The following FOXP2 variants were observed in gnomAD, a reference collection of about 807,000 sequenced individuals.
FOXP2 encodes the protein forkhead box P2, also known as forkhead box protein P2.
Under a neutral mutation model 115.8 loss-of-function variants are expected in FOXP2, and 12 were observed. The ratio of observed to expected loss-of-function variants is 0.10; its 90% CI spans 0.07 to 0.17. FOXP2 has a LOEUF of 0.17. Ranked by LOEUF, FOXP2 falls within the 10% of genes least tolerant of loss-of-function variation. The probability of loss-of-function intolerance (pLI) is 1.00; values close to 1 mark genes in which losing one functional copy is unlikely to be tolerated. For missense variants in FOXP2, 629 were observed against 843.5 expected, an observed-to-expected ratio of 0.75 and a Z score of 3.15; for synonymous variants, 328 against 297.7, an observed-to-expected ratio of 1.10 and a Z score of -1.05.
At chr7:114,482,302 A>G (rs1376838484) in intron 2 of FOXP2, among the ~76,000 whole-genome samples, 2 of 151,462 alleles carry the variant, frequency 1.3e-5, no homozygotes, top group East Asian at 3.9e-4. Context: ...AGGCTTGTAA[A>G]GACTGACGTT....
At chr7:114,412,368 A>T (rs1316825625), upstream of FOXP2, among the ~76,000 whole-genome samples, 1 of 152,196 alleles carries the variant, frequency 6.6e-6, no homozygotes, top group African/African-American at 2.4e-5. Flanking sequence ...ATTTTCTTTA[A>T]TAACCTGGAG....
In FOXP2 at chr7:114,196,499, AGAT is replaced by A. The variant is rs1324491445; in HGVS notation, c.-102+33413_-102+33415del. On this transcript the variant is annotated intron_variant, in intron 1 of 17. Coordinates refer to the FOXP2 transcript ENST00000634411. The stretch of plus-strand genomic sequence containing the variant: ...GAAAAATTTAAAACTTCCTTTTGTC[AGAT>A]GGGTTCACATCTTATAAATTTAGTT... 1.8e-4 allele frequency among the ~76,000 whole-genome samples: 28 copies of A among 152,348 alleles called. No homozygotes were observed. In the South Asian group the frequency reaches 2.7e-3, roughly 15 times the overall value.
At chr7:114,575,005 A>G (rs961723390) in intron 3 of FOXP2, among the ~76,000 whole-genome samples, 5 of 151,844 alleles carry the variant, frequency 3.3e-5, no homozygotes, top group Admixed American at 2.6e-4. Flanking sequence ...GCTGGGTTGG[A>G]AGAAATAAGA....
At chr7:114,413,489 A>G (rs142680854), upstream of FOXP2, among the ~76,000 whole-genome samples, 513 of 152,272 alleles carry the variant, frequency 3.4e-3, 4 homozygotes, top group African/African-American at 0.012. Context: ...AAAAAAACCA[A>G]TATAAACATA....
intron 3 of FOXP2, among the ~76,000 whole-genome samples, chr7:114,550,203 C>T (rs1002038977): frequency 6.7e-6 from 1 of 150,364 alleles, no homozygotes; most frequent in Non-Finnish European, 1.5e-5. Flanking sequence ...CTGCAAGCTC[C>T]GCCTCCTGGG....
intron 1 of FOXP2, among the ~76,000 whole-genome samples, chr7:114,267,901 A>C (rs768046680): frequency 6.6e-6 from 1 of 151,920 alleles, no homozygotes; most frequent in East Asian, 1.9e-4. Context: ...TATCTCCAGA[A>C]ATTTTTTTAT....
At chr7:114,293,862 A>C (rs918787736) in intron 2 of FOXP2, among the ~76,000 whole-genome samples, 1 of 152,110 alleles carries the variant, frequency 6.6e-6, no homozygotes, top group Admixed American at 6.5e-5. Flanking sequence ...TCTTCATAGG[A>C]GCGTGAGAAC....
intron 16 of FOXP2, among the ~76,000 whole-genome samples, chr7:114,684,949 A>C (rs978966643): frequency 6.6e-6 from 1 of 152,038 alleles, no homozygotes; most frequent in African/African-American, 2.4e-5. Flanking sequence ...GGCTAGTTCA[A>C]TGAACCATTT....
chr7:114,674,209 C>T (rs1807641516), intron 16 of FOXP2, among the ~76,000 whole-genome samples: 1 of 152,080 alleles, frequency 6.6e-6, no homozygotes, highest in Non-Finnish European at 1.5e-5. Flanking sequence ...GGGAGGATAA[C>T]ATTTTTATCC....
intron 2 of FOXP2, among the ~76,000 whole-genome samples, chr7:114,323,577 G>A (rs1305911626): frequency 1.3e-5 from 2 of 151,870 alleles, no homozygotes; most frequent in African/African-American, 4.8e-5. Context: ...CAAAAAATAC[G>A]ATATTGGAAA....
chr7:114,642,812 A>ATATATATATATATT (rs1308357594), intron 7 of FOXP2, among the ~76,000 whole-genome samples, 189 bp downstream of exon 7: 3 of 72,422 alleles, frequency 4.1e-5, no homozygotes, highest in Non-Finnish European at 6.9e-5. Context: ...ATATATATAT[A>ATATATATATATATT]TTTTTTTTTT....
intron 16 of FOXP2, among the ~76,000 whole-genome samples, chr7:114,679,444 C>T (rs1445328920): frequency 6.6e-6 from 1 of 152,150 alleles, no homozygotes; most frequent in Non-Finnish European, 1.5e-5. Context: ...TACACTAAGC[C>T]TATATTTTGC....
intron 1 of FOXP2, among the ~76,000 whole-genome samples, chr7:114,268,152 C>A (rs1028792748): frequency 2.0e-5 from 3 of 152,140 alleles, no homozygotes; most frequent in African/African-American, 4.8e-5. Context: ...GTCAGAATTT[C>A]TTTTTTAAGG....
intron 2 of FOXP2, among the ~76,000 whole-genome samples, chr7:114,347,229 T>C (rs1791368700): frequency 1.3e-5 from 2 of 152,050 alleles, no homozygotes; most frequent in East Asian, 1.9e-4. Context: ...ATACTTTTGT[T>C]TTCTGGTGTG....
rs996794888 is a variant in FOXP2, at chr7:114,403,513, G to T, written c.-10-22989G>T. On this transcript the variant is annotated intron_variant, in intron 2 of 17. Coordinates refer to the FOXP2 transcript ENST00000634411. ...GCCTTTATAAGTTAACAGTCTTTTT[G>T]CATCTACAGGAGACTCAAGTATTAT... 5.3e-5 allele frequency among the ~76,000 whole-genome samples: 8 copies of T among 152,080 alleles called. No homozygotes were observed. In the East Asian group the frequency reaches 1.5e-3, roughly 29 times the overall value.
chr7:114,177,184 C>T lies in FOXP2; in HGVS notation c.-102+14096C>T, dbSNP rs1000863950. 3.3e-5 allele frequency among the ~76,000 whole-genome samples: 5 copies of T among 152,100 alleles called. No individual in the cohort carries two copies. In the East Asian group the frequency reaches 9.6e-4, roughly 29 times the overall value. On this transcript the variant is annotated intron_variant, in intron 1 of 17. Transcript: ENST00000634411. ...TATTGTACACATCTTTTACATGTTA[C>T]ATTTACCTGTGTACCTAGGAGTAGA...
At chr7:114,252,791 C>A (rs1292880139) in intron 1 of FOXP2, among the ~76,000 whole-genome samples, 1 of 152,158 alleles carries the variant, frequency 6.6e-6, no homozygotes, top group African/African-American at 2.4e-5. Flanking sequence ...TCTCTATCTC[C>A]TTCAGTTCTG....
intron 1 of FOXP2, among the ~76,000 whole-genome samples, chr7:114,090,151 T>C (rs1182905109): frequency 6.6e-6 from 1 of 151,928 alleles, no homozygotes; most frequent in Non-Finnish European, 1.5e-5. Context: ...ATTTTCTGCC[T>C]CTCTGAATTA....
At chr7:114,314,511 T>C (rs1280352392) in intron 2 of FOXP2, among the ~76,000 whole-genome samples, 2 of 152,114 alleles carry the variant, frequency 1.3e-5, no homozygotes, top group African/African-American at 4.8e-5. Context: ...ATAGTTCAAT[T>C]GGATGAAAAA....
Sources: allele counts gnomAD v4.1 joint callset (sites outside exome capture counted in the v4.1 genomes callset), GRCh38; gene constraint gnomAD v4.1.1; transcripts MANE v1.5; gene names NCBI Gene and HGNC (gene_info 2026-07-23, HGNC 2026-07-21).